Variants in IPO11 observed in about 807,000 individuals in gnomAD.
IPO11 encodes importin 11.
Under a neutral mutation model 143.2 loss-of-function variants are expected in IPO11, and 66 were observed. That is an observed-to-expected ratio of 0.46 (90% CI 0.38 to 0.57). IPO11 has a LOEUF of 0.57. IPO11 is among the 20% of genes least tolerant of loss of function. The probability of loss-of-function intolerance (pLI) is 0.00; values close to 1 mark genes in which losing one functional copy is unlikely to be tolerated. For synonymous variants in IPO11, 385 were observed against 377.8 expected (o/e 1.02, Z -0.22); for missense variants, 1,026 against 1,141.0 (o/e 0.90, Z 1.45).
intron 2 of IPO11, among the ~76,000 whole-genome samples, chr5:62,440,491 A>G (rs1744429270): frequency 1.3e-5 from 2 of 150,644 alleles, no homozygotes; most frequent in South Asian, 2.2e-4. Flanking sequence ...AGTAGCTGGG[A>G]TTACAGGCGC....
chr5:62,610,858 A>G (rs1307137804), intron 29 of IPO11, among the ~76,000 whole-genome samples: 1 of 152,128 alleles, frequency 6.6e-6, no homozygotes, highest in Non-Finnish European at 1.5e-5. Context: ...CTGAGAACCT[A>G]TCTTCTAGGG....
At chr5:62,510,845 C>G (rs1360763505) in intron 19 of IPO11, among the ~76,000 whole-genome samples, 1 of 152,132 alleles carries the variant, frequency 6.6e-6, no homozygotes, top group East Asian at 1.9e-4. Context: ...AAGTGATTCT[C>G]CTGCCTCAGC....
chr5:62,504,948 A>G (rs1351120616), intron 18 of IPO11, 50 bp downstream of exon 18: 6 of 1,009,748 alleles, frequency 5.9e-6, no homozygotes, highest in Non-Finnish European at 7.4e-6. Context: ...ATTTCTGCTT[A>G]TGTCTTTGAA....
At chr5:62,598,446 C>T (rs367860643) in intron 28 of IPO11, among the ~76,000 whole-genome samples, 43 of 3,048 alleles carry the variant, frequency 0.014, no homozygotes, top group East Asian at 0.019. Context: ...CTCTCTCTCT[C>T]TCTCTCTCTC....
intron 5 of IPO11, among the ~76,000 whole-genome samples, chr5:62,463,586 G>A (rs1745454335): frequency 6.6e-6 from 1 of 151,436 alleles, no homozygotes; most frequent in Non-Finnish European, 1.5e-5. Context: ...TGAGGGGATT[G>A]CTTGAGCCCA....
chr5:62,595,994 C>T (rs1006739834), intron 28 of IPO11, among the ~76,000 whole-genome samples: 11 of 151,520 alleles, frequency 7.3e-5, no homozygotes, highest in African/African-American at 1.2e-4. Flanking sequence ...CGCGGTGGCT[C>T]ATGCCTGTAA....
At chr5:62,578,833 T>C (rs1744424279) in intron 27 of IPO11, 1 of 402,366 alleles carries the variant, frequency 2.5e-6, no homozygotes, top group Non-Finnish European at 4.9e-6. Flanking sequence ...AGGTCAGCAG[T>C]GCCACAGAAC....
Position 62,580,511 on chromosome 5 carries a change from C to T in IPO11, c.2583-11066C>T, listed in dbSNP as rs534096377. On this transcript the variant is annotated intron_variant, in intron 27 of 29. Coordinates refer to ENST00000325324, the MANE Select transcript of IPO11 (RefSeq NM_016338.5). Reference sequence around the variant, plus strand: ...TCATTGATTCATCTTCAGGCAAATTCTAATCCTTGGGAATGTAACTGCAAA... The same window carrying T: ...TCATTGATTCATCTTCAGGCAAATTTTAATCCTTGGGAATGTAACTGCAAA... 1.8e-4 allele frequency: 275 copies of T among 1,551,414 alleles called. No individual in the cohort carries two copies. The African/African-American group carries it at 3.5e-3, about 20-fold the overall frequency.
chr5:62,428,948 C>T (rs115864635), intron 1 of IPO11, among the ~76,000 whole-genome samples: 3 of 152,272 alleles, frequency 2.0e-5, no homozygotes, highest in South Asian at 2.1e-4. Flanking sequence ...ATTACGCTTG[C>T]GCCACTGCAC....
intron 1 of IPO11, among the ~76,000 whole-genome samples, chr5:62,428,114 G>A (rs1743827187): frequency 6.6e-6 from 1 of 152,154 alleles, no homozygotes; most frequent in Non-Finnish European, 1.5e-5. Context: ...TCTTATGCCA[G>A]AAGTCTTACA....
chr5:62,449,472 A>G (rs1744832645), intron 3 of IPO11, among the ~76,000 whole-genome samples: 1 of 152,074 alleles, frequency 6.6e-6, no homozygotes, highest in Non-Finnish European at 1.5e-5. Flanking sequence ...GAAAGAAGCC[A>G]ATGGAGTGGC....
intron 29 of IPO11, among the ~76,000 whole-genome samples, chr5:62,613,064 G>A (rs1464789357): frequency 6.6e-6 from 1 of 152,178 alleles, no homozygotes; most frequent in East Asian, 1.9e-4. Flanking sequence ...GTAGAAAGCA[G>A]TGTTTTGTTG....
intron 12 of IPO11, among the ~76,000 whole-genome samples, chr5:62,487,377 A>G (rs1746446938): frequency 6.6e-6 from 1 of 152,104 alleles, no homozygotes; most frequent in South Asian, 2.1e-4. Flanking sequence ...GCCTGGTGAC[A>G]GAGTGAGACT....
chr5:62,592,660 G>A (rs1399266423), intron 28 of IPO11, among the ~76,000 whole-genome samples: 1 of 152,138 alleles, frequency 6.6e-6, no homozygotes, highest in Non-Finnish European at 1.5e-5. Flanking sequence ...CAGTTTCGCA[G>A]GGCTGGGGAG....
intron 19 of IPO11, among the ~76,000 whole-genome samples, chr5:62,506,805 T>G (rs1177892092): frequency 6.6e-6 from 1 of 152,194 alleles, no homozygotes; most frequent in African/African-American, 2.4e-5. Flanking sequence ...GTTATTCAGC[T>G]TCCCCTGTCA....
chr5:62,484,010 A>G lies in IPO11; in HGVS notation c.1022A>G (p.Asp341Gly). ...YAYKPSKNFE[D>G]SSPETLEAHK... Reference sequence around the variant, plus strand: ...TAACTTGGAAATTTCATTTTTCTAGATAGCAGCCCTGAAACTCTTGAAGCC... The same window carrying G: ...TAACTTGGAAATTTCATTTTTCTAGGTAGCAGCCCTGAAACTCTTGAAGCC... The change falls in exon 11 of 30, where the codon GAT becomes GGT. Residue 341 changes from aspartate (D) to glycine (G), a missense_variant and splice_region_variant. This residue lies in a region of IPO11 where 429 missense variants were observed against 456.3 expected (regional missense o/e 0.94). Transcript: ENST00000325324. 2 of 1,595,942 alleles carry G rather than the reference A, an allele frequency of 1.3e-6. No homozygotes were observed. The highest frequency in any genetic ancestry group is 1.2e-5 in the South Asian group (1 of 86,512).
intron 27 of IPO11, chr5:62,579,605 A>G: frequency 6.4e-7 from 1 of 1,551,098 alleles, no homozygotes; most frequent in Non-Finnish European, 8.7e-7. Flanking sequence ...AGTATTCCTA[A>G]GAATTTTCCT....
intron 5 of IPO11, among the ~76,000 whole-genome samples, chr5:62,457,706 T>G (rs1745213172): frequency 6.6e-6 from 1 of 152,310 alleles, no homozygotes; most frequent in South Asian, 2.1e-4. Flanking sequence ...GACTTACTCC[T>G]TGTCAGCTTA....
At chr5:62,425,372 C>T (rs191432836) in intron 1 of IPO11, among the ~76,000 whole-genome samples, 68 of 152,340 alleles carry the variant, frequency 4.5e-4, no homozygotes, top group Admixed American at 3.0e-3. Flanking sequence ...GGCTGAAGTA[C>T]AATGGTGCAA....
Sources: gnomAD v4.1 joint callset for allele counts (sites outside exome capture counted in the v4.1 genomes callset) on GRCh38, gnomAD v4.1.1 for gene constraint, gnomAD v4.1.1 regional missense constraint, MANE v1.5 for transcripts, NCBI Gene and HGNC (gene_info 2026-07-23, HGNC 2026-07-21) for gene names.